The following CHRM3 variants were observed in gnomAD, a reference collection of about 807,000 sequenced individuals.
The protein encoded by CHRM3 is muscarinic acetylcholine receptor M3.
Under a neutral mutation model 41.8 loss-of-function variants are expected in CHRM3, and 11 were observed. The ratio of observed to expected loss-of-function variants is 0.26; its 90% CI spans 0.17 to 0.44. The LOEUF (loss-of-function observed/expected upper bound fraction) is 0.44. CHRM3 is among the 20% of genes least tolerant of loss of function. CHRM3 has a pLI of 1.00. For synonymous variants in CHRM3, 297 were observed against 301.4 expected (o/e 0.99, Z 0.15); for missense variants, 571 against 745.4 (o/e 0.77, Z 2.72).
At chr1:239,445,124 C>G (rs1004486703) in intron 1 of CHRM3, among the ~76,000 whole-genome samples, 2 of 152,168 alleles carry the variant, frequency 1.3e-5, no homozygotes, top group Non-Finnish European at 2.9e-5. Flanking sequence ...GAATTTGAAC[C>G]ATGCACATGT....
intron 6 of CHRM3, among the ~76,000 whole-genome samples, chr1:239,875,214 T>A (rs897875184): frequency 6.6e-6 from 1 of 152,194 alleles, no homozygotes; most frequent in Non-Finnish European, 1.5e-5. Flanking sequence ...TCAGGACCCA[T>A]GAGGCTTGAG....
At chr1:239,671,455 C>T (rs1253831079) in intron 4 of CHRM3, among the ~76,000 whole-genome samples, 1 of 152,078 alleles carries the variant, frequency 6.6e-6, no homozygotes, top group Non-Finnish European at 1.5e-5. Context: ...ACTCTATAGT[C>T]CCAGCTACTG....
intron 6 of CHRM3, among the ~76,000 whole-genome samples, chr1:239,881,022 G>A (rs976429501): frequency 7.9e-5 from 12 of 152,028 alleles, no homozygotes; most frequent in Non-Finnish European, 1.8e-4. Flanking sequence ...GGTGGCTCAC[G>A]CCTGTCATCC....
chr1:239,477,570 C>T (rs1220808697), intron 1 of CHRM3, among the ~76,000 whole-genome samples: 2 of 152,158 alleles, frequency 1.3e-5, no homozygotes, highest in Non-Finnish European at 1.5e-5. Flanking sequence ...TTTTAATCAA[C>T]TTTAAATATC....
chr1:239,755,914 A>G (rs1278318165), intron 5 of CHRM3, among the ~76,000 whole-genome samples: 3 of 152,240 alleles, frequency 2.0e-5, no homozygotes, highest in Non-Finnish European at 4.4e-5. Flanking sequence ...ATCTTGCTAC[A>G]GGGAATACAA....
At chr1:239,580,056 G>A (rs950010136) in intron 3 of CHRM3, among the ~76,000 whole-genome samples, 9 of 152,040 alleles carry the variant, frequency 5.9e-5, no homozygotes, top group Non-Finnish European at 1.3e-4. Context: ...TGTGCCATTT[G>A]TCTACATCTT....
At chr1:239,535,706 C>T (rs991294325) in intron 2 of CHRM3, among the ~76,000 whole-genome samples, 2 of 151,920 alleles carry the variant, frequency 1.3e-5, no homozygotes, top group East Asian at 1.9e-4. Flanking sequence ...GGGGATCTCT[C>T]TTTGCACATT....
chr1:239,820,013 C>G (rs1671905295), intron 5 of CHRM3, among the ~76,000 whole-genome samples: 1 of 152,118 alleles, frequency 6.6e-6, no homozygotes, highest in Non-Finnish European at 1.5e-5. Flanking sequence ...GAGGTCACAC[C>G]CTGTGTTTAC....
intron 3 of CHRM3, among the ~76,000 whole-genome samples, chr1:239,611,671 G>C (rs909958312): frequency 2.0e-5 from 3 of 151,964 alleles, no homozygotes; most frequent in Admixed American, 1.3e-4. Context: ...CGCCCGCCTT[G>C]GCCTCCCAAA....
intron 3 of CHRM3, among the ~76,000 whole-genome samples, chr1:239,597,497 G>A (rs1352357323): frequency 1.3e-5 from 2 of 152,016 alleles, no homozygotes; most frequent in African/African-American, 2.4e-5. Context: ...TTTTTTATAT[G>A]TGATGACTGC....
chr1:239,642,988 G>A (rs994367162), intron 4 of CHRM3, among the ~76,000 whole-genome samples: 2 of 152,202 alleles, frequency 1.3e-5, no homozygotes, highest in Non-Finnish European at 2.9e-5. Flanking sequence ...CTAACAGACA[G>A]GACCCTCAGC....
rs1041165192 is a variant in CHRM3 at position 239,748,154 on chromosome 1, C to T, written c.-147+69866C>T. Reference sequence around the variant, plus strand: ...TTCCAAAATTGTACTGGATTGCCAACGTTTGCATTATTTTAAACCACCACT... The same window carrying T: ...TTCCAAAATTGTACTGGATTGCCAATGTTTGCATTATTTTAAACCACCACT... On this transcript the variant is annotated intron_variant, in intron 5 of 6. Transcript: ENST00000676153. This position sits in a 1 kb window ranked among gnomAD's most constrained non-coding sequence, Gnocchi z 4.3. Among the ~76,000 whole-genome samples, 1 of 152,222 alleles carries T rather than the reference C, an allele frequency of 6.6e-6. No homozygotes were observed. The highest frequency in any genetic ancestry group is 1.5e-5 in the Non-Finnish European group (1 of 68,042).
intron 3 of CHRM3, among the ~76,000 whole-genome samples, chr1:239,595,459 A>G (rs987651741): frequency 5.9e-5 from 9 of 152,116 alleles, no homozygotes; most frequent in Non-Finnish European, 8.8e-5. Context: ...CTAGATCTCT[A>G]TTTTTTAAGT....
At chr1:239,816,351 C>CT (rs1288709621) in intron 5 of CHRM3, among the ~76,000 whole-genome samples, 1 of 152,062 alleles carries the variant, frequency 6.6e-6, no homozygotes, top group Non-Finnish European at 1.5e-5. Context: ...TTTTTTGTTC[C>CT]TTTTTTTAAA....
At chr1:239,843,385 C>T (rs971882184) in intron 6 of CHRM3, among the ~76,000 whole-genome samples, 1 of 150,286 alleles carries the variant, frequency 6.7e-6, no homozygotes, top group Non-Finnish European at 1.5e-5. Context: ...GGATTTTTAA[C>T]CTAATCTCTT....
chr1:239,425,525 G>A (rs548322969), intron 1 of CHRM3, among the ~76,000 whole-genome samples: 2 of 152,018 alleles, frequency 1.3e-5, no homozygotes, highest in African/African-American at 4.8e-5. Flanking sequence ...CATTTGAAAC[G>A]GCACAACACT....
At chr1:239,698,160 T>C (rs1341211812) in intron 5 of CHRM3, among the ~76,000 whole-genome samples, 2 of 152,164 alleles carry the variant, frequency 1.3e-5, no homozygotes, top group South Asian at 2.1e-4. Flanking sequence ...AAAAGGTAAT[T>C]ATTATTTTGT....
At chr1:239,580,131 A>G (rs1156838724) in intron 3 of CHRM3, among the ~76,000 whole-genome samples, 3 of 152,062 alleles carry the variant, frequency 2.0e-5, no homozygotes, top group African/African-American at 7.2e-5. Context: ...ATTGTCTATT[A>G]CTTACCTACC....
At chr1:239,567,855 C>T (rs1661493133) in intron 3 of CHRM3, among the ~76,000 whole-genome samples, 1 of 152,128 alleles carries the variant, frequency 6.6e-6, no homozygotes. Flanking sequence ...TCTGTTTGGG[C>T]ATGGTTGGAG....
Sources: gnomAD v4.1 joint callset for allele counts (sites outside exome capture counted in the v4.1 genomes callset) on GRCh38, gnomAD v4.1.1 for gene constraint, Gnocchi (gnomAD v3.1) non-coding constraint, MANE v1.5 for transcripts, NCBI Gene and HGNC (gene_info 2026-07-23, HGNC 2026-07-21) for gene names.